The following PKD1L3 variants were observed in gnomAD, a reference collection of about 807,000 sequenced individuals.
PKD1L3 encodes the protein polycystin-1-like protein 3.
In PKD1L3, 239 loss-of-function variants were observed where a neutral mutation model predicts 184.1. The ratio of observed to expected loss-of-function variants is 1.30; its 90% CI spans 1.17 to 1.45. The LOEUF (loss-of-function observed/expected upper bound fraction) is 1.45, where lower values mean the gene tolerates loss of function less well. Ranked by LOEUF, PKD1L3 falls within the 40% of genes most tolerant of loss-of-function variation. PKD1L3 has a pLI of 0.00. For synonymous variants in PKD1L3, 996 were observed against 778.8 expected (o/e 1.28, Z -4.64); for missense variants, 2,660 against 2,067.2 (o/e 1.29, Z -5.56).
In PKD1L3 at chr16:71,983,909, C is replaced by T. The variant is rs552784202; in HGVS notation, c.966+127G>A. ...AACTCCTGGCCTCATGTGATCCGCC[C>T]GCCTCGGCCTTCTAAAGTGCTGGGA... On this transcript the variant is annotated intron_variant, in intron 6 of 29. Coordinates refer to ENST00000620267, the MANE Select transcript of PKD1L3 (RefSeq NM_181536.2). 8.5e-6 allele frequency: 11 copies of T among 1,288,176 alleles called. No homozygotes were observed. The Admixed American group carries it at 1.6e-4, about 19-fold the overall frequency. 79.8% of individuals were successfully genotyped at this position (1,288,176 alleles called of 1,614,324 possible).
intron 24 of PKD1L3, 29 bp from the exon 25 acceptor site, chr16:71,937,448 A>T: frequency 6.5e-7 from 1 of 1,544,910 alleles, no homozygotes; most frequent in Non-Finnish European, 8.7e-7. Flanking sequence ...ACCTGGAGTC[A>T]AGAGTCTAAA....
At chr16:71,943,181 A>G (rs919959135) in intron 23 of PKD1L3, among the ~76,000 whole-genome samples, 157 bp from the exon 24 acceptor site, 6 of 152,158 alleles carry the variant, frequency 3.9e-5, no homozygotes, top group Non-Finnish European at 7.3e-5. Context: ...ATAAATACAT[A>G]CATACACATT....
chr16:71,940,801 G>C (rs1326281555), intron 24 of PKD1L3, among the ~76,000 whole-genome samples: 1 of 150,346 alleles, frequency 6.7e-6, no homozygotes, highest in East Asian at 2.0e-4. Flanking sequence ...TGCCCAGCCA[G>C]GCACAGAGCT....
At chr16:71,991,715 G>C (rs950014572) in intron 3 of PKD1L3, among the ~76,000 whole-genome samples, 1 of 152,138 alleles carries the variant, frequency 6.6e-6, no homozygotes, top group African/African-American at 2.4e-5. Context: ...TGATACATAC[G>C]TAGGATATTC....
At position 71,999,799 on chromosome 16, in the gene PKD1L3, A is replaced by G. The variant is rs1370930257; in HGVS notation, c.180T>C (p.His60=). ...YCHVQRGFLA[H]IWNKEVQDLI... ...GATCTTGAACTTCCTTGTTCCAAAT[A>G]TGAGCTAGGAATCCTCTCTGCACAT... Residue 60 remains histidine (H), a synonymous_variant, in exon 1 of 30, where the codon CAT becomes CAC. Coordinates refer to ENST00000620267, the MANE Select transcript of PKD1L3 (RefSeq NM_181536.2). 1.9e-6 allele frequency: 3 copies of G among 1,551,586 alleles called. No individual in the cohort carries two copies. The African/African-American group carries it at 4.1e-5, about 21-fold the overall frequency.
At chr16:71,930,337 C>T (rs1567481783) in intron 28 of PKD1L3, 154 bp from the exon 29 acceptor site, 7 of 691,352 alleles carry the variant, frequency 1.0e-5, no homozygotes, top group Middle Eastern at 4.0e-4. Flanking sequence ...AAGGAAAATA[C>T]TTTTAAATGG....
chr16:71,992,407 G>C (rs766065587), intron 3 of PKD1L3, among the ~76,000 whole-genome samples: 6 of 152,168 alleles, frequency 3.9e-5, no homozygotes, highest in Non-Finnish European at 8.8e-5. Flanking sequence ...TGTTACGTAA[G>C]GTAATAATGG....
In PKD1L3 at chr16:71,977,438, T is replaced by C. The variant is rs2039972263; in HGVS notation, c.1557A>G (p.Glu519=). ...TCATGTTGAGGCTGGTGGGATGGGT[T>C]TCCAAGCTAACATTTCTCCAGAGCA... ...EIMLWRNVSL[E]THPTSLNMST... Residue 519 remains glutamate, a synonymous_variant, in exon 11 of 30, where the codon GAA becomes GAG. Coordinates refer to ENST00000620267, the MANE Select transcript of PKD1L3 (RefSeq NM_181536.2). The C allele has an allele frequency of 1.9e-6, 3 of 1,551,098 alleles. No individual in the cohort carries two copies. The highest frequency in any genetic ancestry group is 2.6e-6 in the Non-Finnish European group (3 of 1,146,576).
At chr16:71,994,262 C>T (rs928739902) in intron 2 of PKD1L3, among the ~76,000 whole-genome samples, 1 of 152,130 alleles carries the variant, frequency 6.6e-6, no homozygotes, top group African/African-American at 2.4e-5. Context: ...CCAGGTGACT[C>T]CCACTTCCCT....
At chr16:71,974,016 A>T (rs1004234573) in intron 11 of PKD1L3, among the ~76,000 whole-genome samples, 2 of 93,324 alleles carry the variant, frequency 2.1e-5, no homozygotes, top group African/African-American at 5.1e-5. Context: ...AAAAAAAAAA[A>T]TATATATATT....
At chr16:71,989,412 C>T (rs1000762583) in intron 4 of PKD1L3, among the ~76,000 whole-genome samples, 4 of 152,246 alleles carry the variant, frequency 2.6e-5, no homozygotes, top group African/African-American at 9.6e-5. Flanking sequence ...CTCGGCCTCC[C>T]AAAGGGCTGG....
In PKD1L3 at chr16:71,982,142, T is replaced by C. The variant is rs891044611; in HGVS notation, c.1060A>G (p.Thr354Ala). The change falls in exon 7 of 30, where the codon ACT becomes GCT. Residue 354 changes from threonine to alanine, a missense_variant. Thr to Ala is a moderately conservative substitution (Grantham distance 58). Transcript: ENST00000620267. The part of the protein sequence containing the change: ...NNSLGFKVPP[T>A]VCPFHSLNNV... ...TTGAGGGAATGAAAGGGGCAGACAG[T>C]TGGAGGAACTTTGAAGCCCAGACTG... 12 of 1,551,794 alleles carry C rather than the reference T, an allele frequency of 7.7e-6. No homozygotes were observed. Among genetic ancestry groups the C allele is most frequent in the African/African-American group, 1.4e-5 (1 of 72,966 alleles).
chr16:71,937,824 G>A (rs1466637573), intron 24 of PKD1L3, among the ~76,000 whole-genome samples: 1 of 152,214 alleles, frequency 6.6e-6, no homozygotes, highest in African/African-American at 2.4e-5. Context: ...AAAGGCTTCA[G>A]CCTCCACCTG....
At chr16:71,994,048 G>A (rs1041783648) in intron 2 of PKD1L3, among the ~76,000 whole-genome samples, 2 of 152,220 alleles carry the variant, frequency 1.3e-5, no homozygotes, top group African/African-American at 2.4e-5. Flanking sequence ...AGGATTACAG[G>A]TGTGAGCCAC....
intron 16 of PKD1L3, among the ~76,000 whole-genome samples, chr16:71,958,780 C>CAA (rs547912125): frequency 4.0e-4 from 26 of 65,082 alleles, no homozygotes; most frequent in African/African-American, 4.6e-4. Flanking sequence ...GACTCTATCT[C>CAA]AAAAAAAAAA....
At chr16:71,989,561 A>G (rs1454481284) in intron 4 of PKD1L3, among the ~76,000 whole-genome samples, 1 of 152,244 alleles carries the variant, frequency 6.6e-6, no homozygotes, top group Non-Finnish European at 1.5e-5. Context: ...ATAGGACACA[A>G]GGGCAAGAAT....
At chr16:71,960,388 G>C (rs2039231349) in intron 16 of PKD1L3, among the ~76,000 whole-genome samples, 1 of 151,906 alleles carries the variant, frequency 6.6e-6, no homozygotes, top group African/African-American at 2.4e-5. Flanking sequence ...TTGCTTGCAA[G>C]ACATAACTCT....
chr16:71,944,127 G>A lies in PKD1L3; in HGVS notation c.3762C>T (p.Asn1254=). Residue 1254 remains asparagine, a synonymous_variant, in exon 23 of 30, where the codon AAC becomes AAT. Coordinates refer to ENST00000620267, the MANE Select transcript of PKD1L3 (RefSeq NM_181536.2). ...TTATAGCTGGGGCTACATAGACGGG[G>A]TTGTTCTTATCTCTTGAACCTGGTA... ...SSVPGSRDKN[N]PVYVAPAINS... is the part of the protein sequence containing the mutation. The A allele has an allele frequency of 1.3e-6, 2 of 1,551,330 alleles. No individual in the cohort carries two copies. Among genetic ancestry groups the A allele is most frequent in the Non-Finnish European group, 8.7e-7 (1 of 1,146,596 alleles).
intron 24 of PKD1L3, among the ~76,000 whole-genome samples, chr16:71,940,131 A>T (rs199748966): frequency 1.4e-5 from 2 of 141,382 alleles, no homozygotes; most frequent in Non-Finnish European, 3.1e-5. Flanking sequence ...TATATATATA[A>T]ACAACAACTA....
Sources: allele counts gnomAD v4.1 joint callset (sites outside exome capture counted in the v4.1 genomes callset), GRCh38; gene constraint gnomAD v4.1.1; transcripts MANE v1.5; gene names NCBI Gene and HGNC (gene_info 2026-07-23, HGNC 2026-07-21).